Variants in ABCC5 observed in about 807,000 individuals in gnomAD.
ABCC5 encodes ATP binding cassette subfamily C member 5.
A neutral mutation model predicts 160.9 loss-of-function variants in ABCC5; 61 were observed. That is an observed-to-expected ratio of 0.38 (90% CI 0.31 to 0.47). The LOEUF is 0.47. ABCC5 is among the 20% of genes least tolerant of loss of function. The pLI, the probability that ABCC5 is intolerant of heterozygous loss-of-function variation, is 0.99. For missense variants in ABCC5, 1,308 were observed against 1,813.3 expected, an observed-to-expected ratio of 0.72 and a Z score of 5.06; for synonymous variants, 666 against 700.6, an observed-to-expected ratio of 0.95 and a Z score of 0.78.
At chr3:183,985,511 A>G (rs542006092) in intron 5 of ABCC5, 3 of 812,212 alleles carry the variant, frequency 3.7e-6, no homozygotes, top group African/African-American at 1.7e-5. Flanking sequence ...AGGGTTTTAC[A>G]CTGTCCTTTC....
At chr3:183,994,253 T>C (rs1298732731) in intron 2 of ABCC5, among the ~76,000 whole-genome samples, 1 of 152,210 alleles carries the variant, frequency 6.6e-6, no homozygotes, top group East Asian at 1.9e-4. Flanking sequence ...CAGCTTGACA[T>C]TATTTATGAT....
intron 5 of ABCC5, chr3:183,986,161 T>C (rs950675354): frequency 1.3e-5 from 2 of 152,234 alleles, no homozygotes; most frequent in Admixed American, 6.5e-5. Flanking sequence ...GGTTTTTCAA[T>C]TTCCAATGAA....
chr3:183,978,314 A>AT (rs11287890), intron 9 of ABCC5, among the ~76,000 whole-genome samples, 189 bp downstream of exon 9: 3 of 151,094 alleles, frequency 2.0e-5, no homozygotes, highest in Middle Eastern at 3.4e-3. Flanking sequence ...CATATGTGGT[A>AT]TTTTTTTTTT....
chr3:183,942,108 T>C (rs1215394676), intron 25 of ABCC5, among the ~76,000 whole-genome samples: 1 of 151,808 alleles, frequency 6.6e-6, no homozygotes, highest in East Asian at 2.0e-4. Context: ...GGCGTGATCT[T>C]GGCTCACTGC....
At chr3:183,922,057 AT>A (rs1712040140) in intron 29 of ABCC5, among the ~76,000 whole-genome samples, 2 of 150,992 alleles carry the variant, frequency 1.3e-5, no homozygotes. Context: ...AAATAAATAA[AT>A]AAATAAATAA....
chr3:183,988,997 C>T lies in ABCC5; in HGVS notation c.287+229G>A, dbSNP rs1326064357. 6.6e-6 allele frequency among the ~76,000 whole-genome samples: 1 copy of T among 151,802 alleles called. No homozygotes were observed. Among genetic ancestry groups the T allele is most frequent in the Non-Finnish European group, 1.5e-5 (1 of 67,970 alleles). On this transcript the variant is annotated intron_variant, in intron 3 of 29. Transcript: ENST00000334444. This position sits in a 1 kb window ranked among gnomAD's most constrained non-coding sequence, Gnocchi z 4.4. ...TGGCCAATATGGTGTAACCCCGTCTCTACTAAAAATACAAAAAAATTAGCT... is the reference window on the plus strand; with the variant it reads ...TGGCCAATATGGTGTAACCCCGTCTTTACTAAAAATACAAAAAAATTAGCT...
At chr3:183,979,816 T>C (rs1008066258) in intron 8 of ABCC5, among the ~76,000 whole-genome samples, 3 of 151,968 alleles carry the variant, frequency 2.0e-5, no homozygotes, top group African/African-American at 7.3e-5. Context: ...TGGGCTCTAG[T>C]GATCCTGTCT....
chr3:183,928,953 G>A (rs1330854176), intron 26 of ABCC5, 128 bp from the exon 27 acceptor site: 6 of 673,792 alleles, frequency 8.9e-6, no homozygotes, highest in East Asian at 2.7e-5. Context: ...GGTCACAGAC[G>A]GCTCATTCCA....
At chr3:184,001,297 C>A in intron 2 of ABCC5, 4 of 471,716 alleles carry the variant, frequency 8.5e-6, no homozygotes, top group South Asian at 4.5e-5. Context: ...TAATATATTT[C>A]ATTTAACCCA....
chr3:183,937,841 C>T, intron 26 of ABCC5, 60 bp downstream of exon 26: 1 of 1,571,046 alleles, frequency 6.4e-7, no homozygotes, highest in Non-Finnish European at 8.7e-7. Flanking sequence ...ATCATGTGGT[C>T]CCACATGCTC....
chr3:183,994,025 G>A (rs776870718), intron 2 of ABCC5, among the ~76,000 whole-genome samples: 4 of 148,302 alleles, frequency 2.7e-5, no homozygotes, highest in Non-Finnish European at 5.9e-5. Flanking sequence ...GTGCAGTGGC[G>A]CAATCTTGGC....
At chr3:183,934,046 C>T (rs904080498) in intron 26 of ABCC5, among the ~76,000 whole-genome samples, 2 of 152,192 alleles carry the variant, frequency 1.3e-5, no homozygotes, top group Admixed American at 6.5e-5. Flanking sequence ...TGGCTCACAC[C>T]TGTAATCCCA....
intron 2 of ABCC5, among the ~76,000 whole-genome samples, chr3:183,999,411 G>A (rs2108893922): frequency 6.6e-6 from 1 of 152,196 alleles, no homozygotes; most frequent in African/African-American, 2.4e-5. Context: ...AAGCTATAAG[G>A]GCTTACTATA....
chr3:183,953,472 A>G (rs1007149731), intron 17 of ABCC5, among the ~76,000 whole-genome samples: 2 of 152,154 alleles, frequency 1.3e-5, no homozygotes, highest in Non-Finnish European at 2.9e-5. Context: ...GAAGCCCAGG[A>G]GCAGCAAAGA....
intron 18 of ABCC5, among the ~76,000 whole-genome samples, chr3:183,952,574 C>G (rs1010502129): frequency 6.6e-6 from 1 of 152,096 alleles, no homozygotes; most frequent in Non-Finnish European, 1.5e-5. Flanking sequence ...GGGGTGGATT[C>G]CCCCATGCTA....
rs1306140698 is a variant in ABCC5 at position 183,951,957 on chromosome 3, A to G, written c.2714T>C (p.Met905Thr). The G allele has an allele frequency of 4.3e-6, 7 of 1,613,092 alleles. No homozygotes were observed. Among genetic ancestry groups the G allele is most frequent in the Non-Finnish European group, 5.9e-6 (7 of 1,179,164 alleles). The change falls in exon 19 of 30, where the codon ATG (methionine) becomes ACG (threonine). Residue 905 changes from methionine to threonine, a missense_variant. By Grantham distance (81) the Met-to-Thr change is moderately conservative. Transcript: ENST00000334444. The surrounding 1 kb of genome is among the most constrained non-coding windows in gnomAD (Gnocchi z 4.7). ...GTACTGCATATGAGGATTGTCCTTC[A>G]TGCTGTCACTCACCGAGGTCTCGTT... ...RGNETSVSDS[M>T]KDNPHMQYYA...
intron 2 of ABCC5, among the ~76,000 whole-genome samples, chr3:184,003,588 A>G (rs1720929384): frequency 6.6e-6 from 1 of 152,248 alleles, no homozygotes. Context: ...TACTACACTG[A>G]GAAAAGAATT....
chr3:183,946,784 G>A (rs1312968019), intron 23 of ABCC5, among the ~76,000 whole-genome samples: 1 of 151,886 alleles, frequency 6.6e-6, no homozygotes, highest in Non-Finnish European at 1.5e-5. Flanking sequence ...TATTTTAGAG[G>A]GTAATAATAA....
chr3:183,971,848 C>T lies in ABCC5; in HGVS notation c.1476G>A (p.Met492Ile). The change falls in exon 11 of 30, where the codon ATG becomes ATA. Residue 492 changes from methionine (M) to isoleucine (I), a missense_variant. Physicochemically the swap from Met to Ile is conservative, Grantham distance 10 (BLOSUM62 1). Transcript: ENST00000334444. ...AGTCCCATGCCAAGGTGGCATTTTT[C>T]ATCTCTATCTTGATGTGAGGACTGG... ...KPASPHIKIE[M>I]KNATLAWDSS... The T allele has an allele frequency of 1.2e-6, 2 of 1,614,052 alleles. No homozygotes were observed. Among genetic ancestry groups the T allele is most frequent in the Non-Finnish European group, 1.7e-6 (2 of 1,180,004 alleles).
Sources: allele counts gnomAD v4.1 joint callset (sites outside exome capture counted in the v4.1 genomes callset), GRCh38; gene constraint gnomAD v4.1.1; non-coding constraint Gnocchi (gnomAD v3.1); transcripts MANE v1.5; gene names NCBI Gene and HGNC (gene_info 2026-07-23, HGNC 2026-07-21).